Variants in CAST observed in about 807,000 individuals in gnomAD.
CAST encodes calpastatin.
Under a neutral mutation model 119.6 loss-of-function variants are expected in CAST, and 76 were observed. That is an observed-to-expected ratio of 0.64 (90% confidence interval 0.53 to 0.77). CAST has a LOEUF of 0.77. Ranked by LOEUF, CAST falls within the 30% of genes least tolerant of loss-of-function variation. CAST has a pLI of 0.00. For synonymous variants in CAST, 319 were observed against 331.6 expected (o/e 0.96, Z 0.41); for missense variants, 953 against 946.5 (o/e 1.01, Z -0.09).
chr5:96,444,812 C>T, the CAST span, among the ~76,000 whole-genome samples: 1 of 151,614 alleles, frequency 6.6e-6, no homozygotes, highest in Non-Finnish European at 1.5e-5. Context: ...GGTGTTTTTT[C>T]CCCTATGGTT....
At chr5:96,406,201 A>T in the CAST span, among the ~76,000 whole-genome samples, 1 of 152,172 alleles carries the variant, frequency 6.6e-6, no homozygotes, top group Non-Finnish European at 1.5e-5. Flanking sequence ...GAAAGACTGA[A>T]CCCCACAAGT....
the CAST span, among the ~76,000 whole-genome samples, chr5:96,263,384 G>T: frequency 1.3e-5 from 2 of 152,158 alleles, no homozygotes; most frequent in African/African-American, 2.4e-5. Context: ...GAAGAAAAAA[G>T]AAATGTGTCA....
At chr5:96,672,570 G>T (rs766928628) in intron 1 of CAST, among the ~76,000 whole-genome samples, 4 of 152,036 alleles carry the variant, frequency 2.6e-5, no homozygotes, top group Non-Finnish European at 5.9e-5. Flanking sequence ...AATCGGATGT[G>T]GTGGTGCACA....
At chr5:96,330,863 C>T in the CAST span, among the ~76,000 whole-genome samples, 311 of 152,076 alleles carry the variant, frequency 2.0e-3, 6 homozygotes, top group Admixed American at 0.018. Flanking sequence ...GGAGTGACTT[C>T]GGGAGAGGGT....
chr5:96,452,899 G>A, the CAST span, among the ~76,000 whole-genome samples: 2 of 125,368 alleles, frequency 1.6e-5, no homozygotes, highest in Non-Finnish European at 3.2e-5. Context: ...GCAGTGAGCC[G>A]AGATTGCGCC....
the CAST span, among the ~76,000 whole-genome samples, chr5:95,985,134 A>G: frequency 6.6e-6 from 1 of 152,112 alleles, no homozygotes; most frequent in Admixed American, 6.5e-5. Flanking sequence ...GCAACATTGC[A>G]AGACCCCATT....
At chr5:96,241,128 T>A in the CAST span, among the ~76,000 whole-genome samples, 2 of 151,868 alleles carry the variant, frequency 1.3e-5, no homozygotes, top group East Asian at 3.9e-4. Context: ...TAGTTACATA[T>A]GTATACATGT....
upstream of CAST, among the ~76,000 whole-genome samples, chr5:96,525,973 A>G (rs995974907): frequency 3.3e-5 from 5 of 152,056 alleles, no homozygotes; most frequent in Non-Finnish European, 7.4e-5. Context: ...TGGGGTGGCA[A>G]TTGATCCCCC....
chr5:96,168,156 G>A, the CAST span, among the ~76,000 whole-genome samples: 1 of 152,166 alleles, frequency 6.6e-6, no homozygotes, highest in Non-Finnish European at 1.5e-5. Context: ...TTCAGTGGGG[G>A]AGTAGGTGGG....
chr5:96,394,984 C>T, the CAST span: 114 of 1,613,902 alleles, frequency 7.1e-5, no homozygotes, highest in Non-Finnish European at 9.5e-5. Context: ...GCAAAATCAG[C>T]TTCCAGTTCA....
chr5:96,578,509 T>C (rs1212903098), intron 1 of CAST, among the ~76,000 whole-genome samples: 1 of 152,118 alleles, frequency 6.6e-6, no homozygotes, highest in South Asian at 2.1e-4. Context: ...TTCCTCTGTT[T>C]ATCTTTTATT....
intron 1 of CAST, among the ~76,000 whole-genome samples, chr5:96,567,910 A>G (rs1746502529): frequency 6.6e-6 from 1 of 152,148 alleles, no homozygotes; most frequent in Non-Finnish European, 1.5e-5. Flanking sequence ...TGGCCTTTTA[A>G]TCTGCTTTGT....
chr5:96,193,322 G>T, the CAST span, among the ~76,000 whole-genome samples: 2 of 150,542 alleles, frequency 1.3e-5, no homozygotes, highest in Non-Finnish European at 2.9e-5. Context: ...GTGACCATTT[G>T]TATTATGTCC....
the CAST span, among the ~76,000 whole-genome samples, chr5:96,293,437 C>A: frequency 2.0e-5 from 3 of 151,296 alleles, no homozygotes; most frequent in Non-Finnish European, 3.0e-5. Context: ...ACCACCACGC[C>A]CCGGCTAATT....
At chr5:96,451,867 A>G in the CAST span, among the ~76,000 whole-genome samples, 1 of 152,276 alleles carries the variant, frequency 6.6e-6, no homozygotes, top group African/African-American at 2.4e-5. Context: ...GAAGACATTT[A>G]TGCGGCCAAC....
At chr5:96,581,917 T>TAAATAAATAAAC (rs1343762389) in intron 1 of CAST, among the ~76,000 whole-genome samples, 245 of 149,918 alleles carry the variant, frequency 1.6e-3, no homozygotes, top group African/African-American at 5.8e-3. Context: ...AATAAATAAA[T>TAAATAAATAAAC]AAACAATCTG....
chr5:96,398,877 A>G, the CAST span: 3 of 1,611,988 alleles, frequency 1.9e-6, no homozygotes, highest in African/African-American at 4.0e-5. Context: ...TTTTTAATTT[A>G]CCAGCAGCAG....
the CAST span, among the ~76,000 whole-genome samples, chr5:96,377,512 A>G: frequency 2.0e-5 from 3 of 152,272 alleles, no homozygotes; most frequent in Admixed American, 6.5e-5. Flanking sequence ...TTGTGTTACA[A>G]TTCCCGACAG....
At chr5:96,058,258 G>GCT in the CAST span, among the ~76,000 whole-genome samples, 1 of 152,036 alleles carries the variant, frequency 6.6e-6, no homozygotes, top group Non-Finnish European at 1.5e-5. Flanking sequence ...ACCTTCCCAG[G>GCT]GACAGCCTTC....
Sources: allele counts gnomAD v4.1 joint callset (sites outside exome capture counted in the v4.1 genomes callset), GRCh38; gene constraint gnomAD v4.1.1; transcripts MANE v1.5; gene names NCBI Gene and HGNC (gene_info 2026-07-23, HGNC 2026-07-21).